UBR4: variants seen among roughly 807,000 people sequenced by gnomAD.
UBR4 encodes the protein ubiquitin protein ligase E3 component n-recognin 4, also known as E3 ubiquitin-protein ligase UBR4.
Under a neutral mutation model 575.6 loss-of-function variants are expected in UBR4, and 124 were observed. The observed-to-expected ratio is 0.22, with a 90% CI of 0.19 to 0.25. UBR4 has a LOEUF of 0.25. UBR4 is among the 10% of genes least tolerant of loss of function. The probability of loss-of-function intolerance (pLI) is 1.00; values close to 1 mark genes in which losing one functional copy is unlikely to be tolerated. For missense variants in UBR4, 4,818 were observed against 6,478.8 expected (o/e 0.74, Z 8.80); for synonymous variants, 2,455 against 2,473.7 (o/e 0.99, Z 0.22).
chr1:19,115,717 T>C, intron 73 of UBR4, 80 bp from the exon 74 acceptor site: 1 of 1,545,026 alleles, frequency 6.5e-7, no homozygotes. Flanking sequence ...AGGAAGACTG[T>C]CCCATGTATT....
rs779348877 is a variant in UBR4 at position 19,192,485 on chromosome 1, C to G, written c.1199G>C (p.Gly400Ala). 1 of 1,614,068 alleles carries G rather than the reference C, an allele frequency of 6.2e-7. No individual in the cohort carries two copies. Residue 400 changes from glycine to alanine, a missense_variant, in exon 10 of 106, where the codon GGT (glycine) becomes GCT (alanine). Physicochemically the swap from Gly to Ala is moderately conservative, Grantham distance 60 (BLOSUM62 0). Transcript: ENST00000375254. ...QAISSSRRAG[G>A]EHYQNFQLLG... is the part of the protein sequence containing the mutation. ...AGAGACAGATACGCTTCTTACCTCA[C>G]CACCAGCCCGGCGAGAACTGCTGAT...
Position 19,105,851 on chromosome 1 carries a change from C to T in UBR4, c.12394-9G>A. 6.3e-7 allele frequency: 1 copy of T among 1,577,296 alleles called. No homozygotes were observed. Among genetic ancestry groups the T allele is most frequent in the Non-Finnish European group, 8.6e-7 (1 of 1,165,384 alleles). On this transcript the variant is annotated splice_polypyrimidine_tract_variant and intron_variant, in intron 83 of 105. Transcript: ENST00000375254. ...GCTGGAGTGAAAAGCACCTGCAGGA[C>T]AGGGGAGAGAAGGGGTCGTAGACTC...
Position 19,165,722 on chromosome 1 carries a change from T to C in UBR4, c.4145A>G (p.Gln1382Arg). ...LDESILEECLQYLEKQLESSQ... is the reference protein window; with the variant it reads ...LDESILEECLRYLEKQLESSQ... ...ACTTTCCAGCTGCTTTTCCAAGTAC[T>C]GGAGACATTCCTCCAGGATGGATTC... The change falls in exon 30 of 106, where the codon CAG becomes CGG. Residue 1382 changes from glutamine to arginine, a missense_variant. Physicochemically the swap from Gln to Arg is conservative, Grantham distance 43. Coordinates refer to ENST00000375254, the MANE Select transcript of UBR4 (RefSeq NM_020765.3). 6.2e-7 allele frequency: 1 copy of C among 1,614,174 alleles called. No individual in the cohort carries two copies. Among genetic ancestry groups the C allele is most frequent in the Non-Finnish European group, 8.5e-7 (1 of 1,180,014 alleles).
intron 90 of UBR4, among the ~76,000 whole-genome samples, chr1:19,099,076 G>A (rs2078352822): frequency 6.6e-6 from 1 of 152,186 alleles, no homozygotes. Flanking sequence ...TGGCCAAAAG[G>A]CCCAGAGCGC....
chr1:19,150,506 C>T (rs2085522182), intron 49 of UBR4, 71 bp downstream of exon 49: 1 of 1,538,880 alleles, frequency 6.5e-7, no homozygotes, highest in Non-Finnish European at 9.0e-7. Context: ...CTGGCTCTCT[C>T]AAGACACAGG....
chr1:19,106,214 A>G (rs771363695), intron 83 of UBR4, among the ~76,000 whole-genome samples: 5 of 152,208 alleles, frequency 3.3e-5, no homozygotes, highest in Non-Finnish European at 7.3e-5. Context: ...TTATATATCA[A>G]TGGACAAATG....
At chr1:19,091,494 A>C (rs1200485585) in intron 97 of UBR4, among the ~76,000 whole-genome samples, 2 of 152,240 alleles carry the variant, frequency 1.3e-5, no homozygotes, top group African/African-American at 4.8e-5. Context: ...ACATTAAAAA[A>C]CAAACAATCC....
At chr1:19,182,681 C>A (rs2091112693) in intron 17 of UBR4, among the ~76,000 whole-genome samples, 1 of 152,154 alleles carries the variant, frequency 6.6e-6, no homozygotes, top group African/African-American at 2.4e-5. Flanking sequence ...GAAGTGGTAT[C>A]TCATTGTGGT....
At chr1:19,204,431 CA>C (rs573007513) in intron 1 of UBR4, among the ~76,000 whole-genome samples, 28 of 152,042 alleles carry the variant, frequency 1.8e-4, no homozygotes, top group African/African-American at 6.7e-4. Context: ...CCACTTTTTC[CA>C]GCTGAACAGG....
At chr1:19,097,146 C>T (rs1376488095) in intron 91 of UBR4, 47 bp downstream of exon 91, 1 of 1,540,010 alleles carries the variant, frequency 6.5e-7, no homozygotes, top group African/African-American at 1.4e-5. Flanking sequence ...ACGTGAGCCG[C>T]TCATGAGTCC....
chr1:19,094,592 G>A (rs2077842287), intron 94 of UBR4, among the ~76,000 whole-genome samples: 1 of 152,132 alleles, frequency 6.6e-6, no homozygotes, highest in African/African-American at 2.4e-5. Context: ...AAATGAAGTG[G>A]GCTATTCAAT....
chr1:19,118,830 C>G (rs1380428663), intron 71 of UBR4, 42 bp downstream of exon 71: 1 of 1,599,090 alleles, frequency 6.3e-7, no homozygotes, highest in Non-Finnish European at 8.6e-7. Flanking sequence ...CCTCAGAATG[C>G]TGACTGAGCT....
At chr1:19,104,343 A>G (rs1305613960) in intron 86 of UBR4, 86 bp from the exon 87 acceptor site, 1 of 1,502,136 alleles carries the variant, frequency 6.7e-7, no homozygotes, top group African/African-American at 1.4e-5. Context: ...GAGCAACTCA[A>G]AAAGCAGGGA....
Position 19,139,439 on chromosome 1 carries a change from C to T in UBR4, c.8594-219G>A, listed in dbSNP as rs1387384963. ...AACACTATACACGGTGCATTGCAAA[C>T]AGTACTTAGACAGGAGTGAAGAAAA... On this transcript the variant is annotated intron_variant, in intron 58 of 105. Transcript: ENST00000375254. This position sits in a 1 kb window ranked among gnomAD's most constrained non-coding sequence, Gnocchi z 4.2. 6.6e-6 allele frequency among the ~76,000 whole-genome samples: 1 copy of T among 152,174 alleles called. No homozygotes were observed. Among genetic ancestry groups the T allele is most frequent in the Non-Finnish European group, 1.5e-5 (1 of 68,040 alleles).
chr1:19,138,126 T>A lies in UBR4; in HGVS notation c.8787A>T (p.Gly2929=). 4 of 1,598,510 alleles carry A rather than the reference T, an allele frequency of 2.5e-6. No homozygotes were observed. The highest frequency in any genetic ancestry group is 3.4e-6 in the Non-Finnish European group (4 of 1,170,806). ...CAGTGCTTGAGCTGACACTTCCTGGTCCAGCCGGATGCCCCTCAGCTGTAG... is the reference window on the plus strand; with the variant it reads ...CAGTGCTTGAGCTGACACTTCCTGGACCAGCCGGATGCCCCTCAGCTGTAG... The part of the protein sequence containing the change: ...GDATAEGHPA[G]PGSVSSSTGA... The change falls in exon 60 of 106, where the codon GGA becomes GGT. Residue 2929 remains glycine (G), a synonymous_variant. Transcript: ENST00000375254.
At chr1:19,176,884 T>C (rs1037495504) in intron 19 of UBR4, among the ~76,000 whole-genome samples, 157 bp from the exon 20 acceptor site, 2 of 152,228 alleles carry the variant, frequency 1.3e-5, no homozygotes, top group Admixed American at 6.5e-5. Context: ...ATTCAGCTTT[T>C]CACTCAGGTA....
chr1:19,148,066 G>A lies in UBR4; in HGVS notation c.7556C>T (p.Ala2519Val), dbSNP rs766102047. The part of the protein sequence containing the change: ...ATLLLSLPAP[A>V]SVQQQSKSLL... ...GCTCTTGGACTGCTGCTGGACACTG[G>A]CAGGTGCTGGCAGGGACAACAGCAA... is the stretch of plus-strand genomic sequence containing the variant. Residue 2519 changes from alanine to valine, a missense_variant, in exon 51 of 106, where the codon GCC becomes GTC. By Grantham distance (64) the Ala-to-Val change is moderately conservative (BLOSUM62 0). This residue lies in a region of UBR4 where 340 missense variants were observed against 375.4 expected (regional missense o/e 0.91). Transcript: ENST00000375254. The A allele has an allele frequency of 6.0e-5, 97 of 1,611,760 alleles. No individual in the cohort carries two copies. The South Asian group carries it at 9.8e-4, about 16-fold the overall frequency.
rs2080966386 is a variant in UBR4, at chr1:19,119,714, G to A, written c.10311-13C>T. The A allele has an allele frequency of 1.9e-6, 3 of 1,595,870 alleles. No homozygotes were observed. Among genetic ancestry groups the A allele is most frequent in the Non-Finnish European group, 2.6e-6 (3 of 1,165,556 alleles). On this transcript the variant is annotated splice_polypyrimidine_tract_variant and intron_variant, in intron 69 of 105. Transcript: ENST00000375254. ...TTTGCTGGAATTTCTGTGGATATAT[G>A]ACAGCTCATGTTACCAAGCAGCAGA... is the stretch of plus-strand genomic sequence containing the variant.
rs775518071 is a variant in UBR4, at chr1:19,193,500, C to T, written c.1076G>A (p.Arg359Gln). 5.1e-5 allele frequency: 83 copies of T among 1,614,028 alleles called. No individual in the cohort carries two copies. The highest frequency in any genetic ancestry group is 2.2e-5 in the East Asian group (1 of 44,902). The change falls in exon 9 of 106, where the codon CGG becomes CAG. Residue 359 changes from arginine (R) to glutamine (Q), a missense_variant. Coordinates refer to ENST00000375254, the MANE Select transcript of UBR4 (RefSeq NM_020765.3). The stretch of plus-strand genomic sequence containing the variant: ...TTCTTTGGAGCTCGTGGACCCTGTC[C>T]GCACTTGCTGGGCACTACCCACATG... ...ILHVGSAQQVRTGSTSSKEDD... is the reference protein window; with the variant it reads ...ILHVGSAQQVQTGSTSSKEDD...
Sources: allele counts gnomAD v4.1 joint callset (sites outside exome capture counted in the v4.1 genomes callset), GRCh38; gene constraint gnomAD v4.1.1; regional missense constraint gnomAD v4.1.1; non-coding constraint Gnocchi (gnomAD v3.1); transcripts MANE v1.5; gene names NCBI Gene and HGNC (gene_info 2026-07-23, HGNC 2026-07-21).